Variants in ATXN1 observed in about 807,000 individuals in gnomAD.
ATXN1 encodes ataxin 1.
ATXN1 carries 8 observed loss-of-function variants against 56.4 expected under a neutral mutation model. That is an observed-to-expected ratio of 0.14 (90% CI 0.08 to 0.26). The LOEUF (loss-of-function observed/expected upper bound fraction) is 0.26, where lower values mean the gene tolerates loss of function less well. ATXN1 is among the 10% of genes least tolerant of loss of function. The probability of loss-of-function intolerance (pLI) is 1.00; values close to 1 mark genes in which losing one functional copy is unlikely to be tolerated. For missense variants in ATXN1, 987 were observed against 1,106.5 expected, an observed-to-expected ratio of 0.89 and a Z score of 1.53; for synonymous variants, 514 against 494.6, an observed-to-expected ratio of 1.04 and a Z score of -0.52.
At chr6:16,649,357 TTAATGTTACC>T (rs1763855436) in intron 3 of ATXN1, among the ~76,000 whole-genome samples, 1 of 152,190 alleles carries the variant, frequency 6.6e-6, no homozygotes, top group Non-Finnish European at 1.5e-5. Flanking sequence ...CATCAACCCT[TTAATGTTACC>T]CAGTCTTTTT....
At chr6:16,592,868 G>C (rs1280417909) in intron 3 of ATXN1, among the ~76,000 whole-genome samples, 1 of 148,392 alleles carries the variant, frequency 6.7e-6, no homozygotes, top group Non-Finnish European at 1.5e-5. Context: ...GCTGGTGCGG[G>C]TGGGGGTGGG....
chr6:16,339,296 C>G (rs1761191539), intron 6 of ATXN1, among the ~76,000 whole-genome samples: 1 of 152,174 alleles, frequency 6.6e-6, no homozygotes, highest in Non-Finnish European at 1.5e-5. Context: ...TCCATCAAGT[C>G]AGGAAAAAGG....
intron 2 of ATXN1, among the ~76,000 whole-genome samples, chr6:16,733,122 C>T (rs1332646975): frequency 2.0e-5 from 3 of 152,244 alleles, no homozygotes; most frequent in Admixed American, 6.5e-5. Context: ...TTACTACTTG[C>T]TGAAAGCCTG....
intron 2 of ATXN1, chr6:16,739,458 T>C (rs769040249): frequency 1.1e-5 from 2 of 189,722 alleles, no homozygotes; most frequent in Non-Finnish European, 2.3e-5. Flanking sequence ...CTGCCTCTAC[T>C]CCAGGTCATC....
intron 6 of ATXN1, among the ~76,000 whole-genome samples, chr6:16,391,143 C>T (rs1758346787): frequency 8.7e-6 from 1 of 115,518 alleles, no homozygotes; most frequent in African/African-American, 3.6e-5. Context: ...GCCTGGGTGA[C>T]ACAGCAAGAC....
At chr6:16,570,157 C>T (rs996582776) in intron 4 of ATXN1, among the ~76,000 whole-genome samples, 2 of 152,210 alleles carry the variant, frequency 1.3e-5, no homozygotes, top group Admixed American at 1.3e-4. Context: ...CATTCACCTG[C>T]CCTGGACAAT....
At chr6:16,528,300 C>CAA (rs375416081) in intron 4 of ATXN1, among the ~76,000 whole-genome samples, 14 of 74,432 alleles carry the variant, frequency 1.9e-4, no homozygotes, top group African/African-American at 5.5e-4. Context: ...GACTCCCTCT[C>CAA]AAAAAAAAAA....
intron 7 of ATXN1, among the ~76,000 whole-genome samples, chr6:16,322,462 T>C (rs1403660592): frequency 1.3e-5 from 2 of 152,216 alleles, no homozygotes; most frequent in Non-Finnish European, 2.9e-5. Flanking sequence ...GCAGGATTTC[T>C]GCCTAGAGTC....
At chr6:16,521,713 A>G (rs1761294102) in intron 5 of ATXN1, among the ~76,000 whole-genome samples, 3 of 152,262 alleles carry the variant, frequency 2.0e-5, no homozygotes, top group Admixed American at 2.0e-4. Context: ...GCTGGACTGC[A>G]CACACCTGCA....
intron 6 of ATXN1, among the ~76,000 whole-genome samples, chr6:16,406,615 A>G (rs1269293908): frequency 6.6e-6 from 1 of 152,230 alleles, no homozygotes; most frequent in Non-Finnish European, 1.5e-5. Context: ...AAAGAAATCA[A>G]TGTACTTTAT....
At chr6:16,652,257 A>G (rs1367427917) in intron 3 of ATXN1, 1 of 152,210 alleles carries the variant, frequency 6.6e-6, no homozygotes, top group East Asian at 1.9e-4. Flanking sequence ...GAGCTTTCTA[A>G]CGATGGTCTT....
In ATXN1 at chr6:16,350,039, GATTTA is replaced by G. The variant is rs1761534210; in HGVS notation, c.-160-21574_-160-21570del. ...TATAAAAACATAAAATATGACTAAC[GATTTA>G]ATTTAAGGCCCTAATTCCCAATGAA... is the stretch of plus-strand genomic sequence containing the variant. On this transcript the variant is annotated intron_variant, in intron 6 of 7. Coordinates refer to ENST00000436367, the MANE Select transcript of ATXN1 (RefSeq NM_001128164.2). Among the ~76,000 whole-genome samples, 3 of 152,100 alleles carry G rather than the reference GATTTA, an allele frequency of 2.0e-5. No homozygotes were observed. In the South Asian group the frequency reaches 6.2e-4, roughly 32 times the overall value.
chr6:16,587,426 C>T (rs1449041230), intron 3 of ATXN1, among the ~76,000 whole-genome samples: 1 of 152,204 alleles, frequency 6.6e-6, no homozygotes, highest in African/African-American at 2.4e-5. Flanking sequence ...TTCACAAAGT[C>T]TACATACTAA....
intron 3 of ATXN1, among the ~76,000 whole-genome samples, chr6:16,630,340 A>G (rs1364615120): frequency 1.3e-5 from 2 of 152,232 alleles, no homozygotes; most frequent in East Asian, 1.9e-4. Context: ...TGCGAGGTCC[A>G]TTTACAGAAC....
At chr6:16,440,648 A>AAAAAAAAAAAAAGAAAGAAAG (rs748929817) in intron 6 of ATXN1, among the ~76,000 whole-genome samples, 1 of 118,548 alleles carries the variant, frequency 8.4e-6, no homozygotes, top group East Asian at 2.6e-4. Flanking sequence ...CTTAAAAAAA[A>AAAAAAAAAAAAAGAAAGAAAG]AAAAGAAAAG....
intron 4 of ATXN1, among the ~76,000 whole-genome samples, chr6:16,583,592 G>A (rs1454822652): frequency 6.6e-6 from 1 of 152,192 alleles, no homozygotes; most frequent in Non-Finnish European, 1.5e-5. Flanking sequence ...GACGGTGAGG[G>A]ACTCTGTGCC....
chr6:16,619,079 C>A (rs551180759), intron 3 of ATXN1, among the ~76,000 whole-genome samples: 1 of 151,248 alleles, frequency 6.6e-6, no homozygotes, highest in Non-Finnish European at 1.5e-5. Context: ...CAAATTAAAA[C>A]AAGATATAAT....
chr6:16,700,784 GTGGT>G lies in ATXN1; in HGVS notation c.-614-42887_-614-42884del, dbSNP rs1242369787. Reference sequence around the variant, plus strand: ...TGCAGATCAGCCCGGAGGGTGTAACGTGGTAAGCAGACGTGCTGCTTTTAGCTGC... The same window carrying G: ...TGCAGATCAGCCCGGAGGGTGTAACGAAGCAGACGTGCTGCTTTTAGCTGC... On this transcript the variant is annotated intron_variant, in intron 2 of 7. Coordinates refer to ENST00000436367, the MANE Select transcript of ATXN1 (RefSeq NM_001128164.2). Among the ~76,000 whole-genome samples, 7 of 152,270 alleles carry G rather than the reference GTGGT, an allele frequency of 4.6e-5. No individual in the cohort carries two copies. In the East Asian group the frequency reaches 1.2e-3, roughly 25 times the overall value.
At chr6:16,658,243 C>T (rs775745417) in intron 2 of ATXN1, among the ~76,000 whole-genome samples, 9 of 152,074 alleles carry the variant, frequency 5.9e-5, no homozygotes, top group Non-Finnish European at 8.8e-5. Context: ...AAATTCAGTA[C>T]GTCTAAGTGA....
Sources: gnomAD v4.1 joint callset for allele counts (sites outside exome capture counted in the v4.1 genomes callset) on GRCh38, gnomAD v4.1.1 for gene constraint, MANE v1.5 for transcripts, NCBI Gene and HGNC (gene_info 2026-07-23, HGNC 2026-07-21) for gene names.